The following ZNF141 variants were observed in gnomAD, a reference collection of about 807,000 sequenced individuals.
ZNF141 encodes the protein zinc finger protein 141, also known as zinc finger protein 141 (clone pHZ-44).
In ZNF141, 7 loss-of-function variants were observed where a neutral mutation model predicts 11.3. The observed-to-expected ratio is 0.62, with a 90% CI of 0.35 to 1.16. The LOEUF is 1.16. Among genes scored for constraint, ZNF141 ranks in the 50% most tolerant of loss-of-function variants. The probability of loss-of-function intolerance (pLI) is 0.02; values close to 1 mark genes in which losing one functional copy is unlikely to be tolerated. For synonymous variants in ZNF141, 183 were observed against 190.7 expected (o/e 0.96, Z 0.33); for missense variants, 535 against 554.0 (o/e 0.97, Z 0.34).
At position 375,852 on chromosome 4, in the gene ZNF141, C is replaced by G. The variant is rs561252869; in HGVS notation, c.*1990C>G. ...GGTGGGCATTATTTGTGAATTTTTA[C>G]AAGAAAGAGTGAGGACAGAAATGAA... On this transcript the variant is annotated 3_prime_UTR_variant, in exon 4 of 4. Transcript: ENST00000240499. Among the ~76,000 whole-genome samples the G allele has an allele frequency of 6.6e-6, 1 of 151,854 alleles. No homozygotes were observed. Among genetic ancestry groups the G allele is most frequent in the Admixed American group, 6.6e-5 (1 of 15,242 alleles).
intron 3 of ZNF141, among the ~76,000 whole-genome samples, chr4:362,037 CTGT>C (rs1355935415): frequency 1.3e-5 from 2 of 152,212 alleles, no homozygotes; most frequent in African/African-American, 4.8e-5. Context: ...TCTCCAGCAC[CTGT>C]TGTTTCCTGA....
In ZNF141 at chr4:383,512, G is replaced by A. The variant is rs1341858717; in HGVS notation, c.*9650G>A. 1.4e-5 allele frequency: 3 copies of A among 212,080 alleles called. No individual in the cohort carries two copies. Among genetic ancestry groups the A allele is most frequent in the Non-Finnish European group, 2.8e-5 (3 of 107,798 alleles). 13.1% of individuals were successfully genotyped at this position (212,080 alleles called of 1,614,324 possible). On this transcript the variant is annotated 3_prime_UTR_variant, in exon 4 of 4. Coordinates refer to ENST00000240499, the MANE Select transcript of ZNF141 (RefSeq NM_003441.4). The stretch of plus-strand genomic sequence containing the variant: ...TACACAGAAGTTAGGCAGGAGAATA[G>A]GGTTTGGAGGCAGGGAACTTAAGGC...
rs982571740 is a variant in ZNF141 at position 343,641 on chromosome 4, T to A, written c.4-141T>A. ...TTGGGAGGCTGAGGCAGGAGAATGG[T>A]GTGAACCTGGGAGGCGGAGCTTGCA... is the stretch of plus-strand genomic sequence containing the variant. On this transcript the variant is annotated intron_variant, in intron 1 of 3. Transcript: ENST00000240499. 1.5e-5 allele frequency: 14 copies of A among 959,286 alleles called. No homozygotes were observed. The South Asian group carries it at 3.0e-4, about 21-fold the overall frequency. 59.4% of individuals were successfully genotyped at this position (959,286 alleles called of 1,614,324 possible). A position where few individuals can be genotyped will look rare whatever the true frequency, so the allele number is the denominator to read the frequency against.
At position 373,049 on chromosome 4, in the gene ZNF141, T is replaced by C. The variant is rs374279756; in HGVS notation, c.612T>C (p.Cys204=). The C allele has an allele frequency of 1.2e-4, 190 of 1,613,858 alleles. No individual in the cohort carries two copies. The highest frequency in any genetic ancestry group is 1.6e-4 in the Non-Finnish European group (186 of 1,179,962). The change falls in exon 4 of 4, where the codon TGT becomes TGC. Residue 204 remains cysteine (C), a synonymous_variant. Coordinates refer to ENST00000240499, the MANE Select transcript of ZNF141 (RefSeq NM_003441.4). ...AGAAACCCTACACTTGTGAAGAATG[T>C]GGCAAAGCCTTTAAATGGTCTTTAA... ...AGEKPYTCEE[C]GKAFKWSLIF... is the part of the protein sequence containing the mutation.
At chr4:357,599 A>T (rs1379040780) in intron 3 of ZNF141, among the ~76,000 whole-genome samples, 1 of 151,974 alleles carries the variant, frequency 6.6e-6, no homozygotes, top group Admixed American at 6.6e-5. Context: ...CAATTAAAAA[A>T]ATTTTTTTTT....
In ZNF141 at chr4:376,616, A is replaced by G. The variant is rs954801115; in HGVS notation, c.*2754A>G. Reference sequence around the variant, plus strand: ...GGCATCTTTTCCTGCAAACTTATACAAACTTTAGTTCCATTTACATGAAGT... The same window carrying G: ...GGCATCTTTTCCTGCAAACTTATACGAACTTTAGTTCCATTTACATGAAGT... On this transcript the variant is annotated 3_prime_UTR_variant, in exon 4 of 4. Transcript: ENST00000240499. Among the ~76,000 whole-genome samples the G allele has an allele frequency of 2.2e-4, 34 of 152,212 alleles. No individual in the cohort carries two copies. The highest frequency in any genetic ancestry group is 2.0e-3 in the Admixed American group (31 of 15,294).
Position 373,347 on chromosome 4 carries a change from A to G in ZNF141, c.910A>G (p.Ile304Val). ...CTCAAACTTTGCCAAACATAAGCGA[A>G]TTCATACTGGAGAGAAACCCTACAA... Reference protein sequence around the residue: ...SSSNFAKHKRIHTGEKPYKCE... With the variant: ...SSSNFAKHKRVHTGEKPYKCE... The change falls in exon 4 of 4, where the codon ATT becomes GTT. Residue 304 changes from isoleucine (I) to valine (V), a missense_variant. Physicochemically the swap from Ile to Val is conservative, Grantham distance 29. Transcript: ENST00000240499. 2.5e-6 allele frequency: 4 copies of G among 1,613,990 alleles called. No homozygotes were observed. The highest frequency in any genetic ancestry group is 3.4e-6 in the Non-Finnish European group (4 of 1,179,930).
In ZNF141 at chr4:381,188, T is replaced by C. The variant is rs1036266673; in HGVS notation, c.*7326T>C. Among the ~76,000 whole-genome samples, 4 of 152,168 alleles carry C rather than the reference T, an allele frequency of 2.6e-5. No homozygotes were observed. Among genetic ancestry groups the C allele is most frequent in the African/African-American group, 9.7e-5 (4 of 41,432 alleles). On this transcript the variant is annotated 3_prime_UTR_variant, in exon 4 of 4. Coordinates refer to ENST00000240499, the MANE Select transcript of ZNF141 (RefSeq NM_003441.4). ...TCTTGAGTTAAATATTTGACTCTAT[T>C]AGTTTAGTTTCCTTTGTGCCTGTTT...
chr4:358,882 A>G (rs1303021210), intron 3 of ZNF141, among the ~76,000 whole-genome samples: 1 of 152,068 alleles, frequency 6.6e-6, no homozygotes, highest in Non-Finnish European at 1.5e-5. Flanking sequence ...ACTCTTATTG[A>G]GATTTTTTAA....
intron 3 of ZNF141, among the ~76,000 whole-genome samples, chr4:345,174 A>G (rs1469652303): frequency 6.6e-6 from 1 of 152,204 alleles, no homozygotes; most frequent in Non-Finnish European, 1.5e-5. Flanking sequence ...TCCCAGGAAC[A>G]CCAAGGACAG....
At chr4:372,506 A>G (rs546166826) in intron 3 of ZNF141, among the ~76,000 whole-genome samples, 158 bp from the exon 4 acceptor site, 2 of 152,330 alleles carry the variant, frequency 1.3e-5, no homozygotes, top group African/African-American at 4.8e-5. Flanking sequence ...CTTTGTTAGT[A>G]TATGTTTGCT....
intron 3 of ZNF141, among the ~76,000 whole-genome samples, chr4:346,893 A>ACAC (rs373224939): frequency 0.096 from 12,925 of 134,874 alleles, 975 homozygotes; most frequent in Middle Eastern, 0.18. Flanking sequence ...ACACACACAC[A>ACAC]CCGCCCCCCC....
chr4:349,004 G>A (rs1345110271), intron 3 of ZNF141, among the ~76,000 whole-genome samples: 1 of 151,852 alleles, frequency 6.6e-6, no homozygotes, highest in East Asian at 1.9e-4. Context: ...ATTGTATTTA[G>A]TGTATAATAC....
rs781826498 is a variant in ZNF141 at position 377,240 on chromosome 4, CTAT to C, written c.*3383_*3385del. Among the ~76,000 whole-genome samples the C allele has an allele frequency of 2.8e-4, 42 of 152,126 alleles. No homozygotes were observed. Among genetic ancestry groups the C allele is most frequent in the Non-Finnish European group, 5.7e-4 (39 of 67,996 alleles). On this transcript the variant is annotated 3_prime_UTR_variant, in exon 4 of 4. Coordinates refer to ENST00000240499, the MANE Select transcript of ZNF141 (RefSeq NM_003441.4). ...TTGTCAGTCATGGGGATGTTTTGAT[CTAT>C]TATTGTAGTGAACAAACAAAGTTCT... is the stretch of plus-strand genomic sequence containing the variant.
chr4:346,700 T>G (rs1721332431), intron 3 of ZNF141, among the ~76,000 whole-genome samples: 1 of 152,184 alleles, frequency 6.6e-6, no homozygotes, highest in Admixed American at 6.5e-5. Flanking sequence ...ATTTCCTATC[T>G]AACTGAGAAA....
chr4:350,127 T>C (rs1553850201), intron 3 of ZNF141: 1 of 534,096 alleles, frequency 1.9e-6, no homozygotes, highest in Non-Finnish European at 3.9e-6. Context: ...GAGATTGAAT[T>C]TGAGAGAGGT....
chr4:351,726 A>G (rs372600773), intron 3 of ZNF141, among the ~76,000 whole-genome samples: 31 of 152,276 alleles, frequency 2.0e-4, no homozygotes, highest in African/African-American at 7.0e-4. Context: ...GGTAAGGTCA[A>G]TCTTGATTCT....
intron 1 of ZNF141, among the ~76,000 whole-genome samples, chr4:339,483 A>G (rs1266511520): frequency 2.3e-5 from 3 of 132,298 alleles, no homozygotes; most frequent in Non-Finnish European, 3.2e-5. Context: ...TGCATCCCTC[A>G]TGTGCTACAA....
chr4:355,183 T>TTTTATTTA (rs1254809496), intron 3 of ZNF141, among the ~76,000 whole-genome samples: 2 of 151,732 alleles, frequency 1.3e-5, no homozygotes, highest in Non-Finnish European at 2.9e-5. Context: ...CTTTATTTTA[T>TTTTATTTA]TTTATTTATT....
Sources: gnomAD v4.1 joint callset for allele counts (sites outside exome capture counted in the v4.1 genomes callset) on GRCh38, gnomAD v4.1.1 for gene constraint, MANE v1.5 for transcripts, NCBI Gene and HGNC (gene_info 2026-07-23, HGNC 2026-07-21) for gene names.